TSGA13: variants seen among roughly 807,000 people sequenced by gnomAD.
TSGA13 encodes the protein testis specific 13.
Under a neutral mutation model 35.1 loss-of-function variants are expected in TSGA13, and 37 were observed. The ratio of observed to expected loss-of-function variants is 1.05; its 90% CI spans 0.81 to 1.39. The LOEUF is 1.39. TSGA13 is among the 40% of genes most tolerant of loss of function. The pLI, the probability that TSGA13 is intolerant of heterozygous loss-of-function variation, is 0.00. For missense variants in TSGA13, 338 were observed against 328.5 expected (o/e 1.03, Z -0.22); for synonymous variants, 124 against 121.2 (o/e 1.02, Z -0.15).
chr7:130,674,169 C>CTTTTT lies in TSGA13; in HGVS notation c.388-1298_388-1294dup, dbSNP rs1162370815. On this transcript the variant is annotated intron_variant, in intron 5 of 7. Transcript: ENST00000356588. The stretch of plus-strand genomic sequence containing the variant: ...CTTTTCTTCTTTTTTTTCTTTTTTT[C>CTTTTT]TTTTTTTTTTTTTTTTTTTTGAGAT... Among the ~76,000 whole-genome samples, 43 of 98,436 alleles carry CTTTTT rather than the reference C, an allele frequency of 4.4e-4. 1 individual carries two copies. Among genetic ancestry groups the CTTTTT allele is most frequent in the East Asian group, 7.1e-4 (2 of 2,802 alleles). The allele number at this position is 98,436 out of a possible 152,430, so 64.6% of individuals were successfully genotyped here. A position where few individuals can be genotyped will look rare whatever the true frequency, so the allele number is the denominator to read the frequency against.
chr7:130,681,126 T>C (rs1202237103), intron 3 of TSGA13, 109 bp from the exon 4 acceptor site: 1 of 876,674 alleles, frequency 1.1e-6, no homozygotes, highest in Admixed American at 2.1e-5. Flanking sequence ...TAACTTACAC[T>C]AAGTAAGTTA....
intron 5 of TSGA13, among the ~76,000 whole-genome samples, chr7:130,678,694 A>T (rs1293655296): frequency 1.3e-5 from 2 of 152,116 alleles, no homozygotes; most frequent in African/African-American, 2.4e-5. Context: ...GGTTCTCCAG[A>T]TGCTGTTATG....
In TSGA13 at chr7:130,685,185, T is replaced by G. The variant is rs1391091106; in HGVS notation, c.23+3A>C. On this transcript the variant is annotated splice_donor_region_variant and intron_variant, in intron 2 of 7. Transcript: ENST00000356588. ...ACTTAGTTGGGCAAACAAGACTACA[T>G]ACTTGGTTTGTCTCTTTTGGCTCAT... The G allele has an allele frequency of 6.2e-7, 1 of 1,613,288 alleles. No individual in the cohort carries two copies.
chr7:130,679,363 T>A lies in TSGA13; in HGVS notation c.179A>T (p.Gln60Leu). ...AGTGGCCTTCAAAGGCTTATAGTAC[T>A]GGGCCTGAACAGACAGAAAGGTTTC... is the stretch of plus-strand genomic sequence containing the variant. ...RHYTVHPNLA[Q>L]YYKPLKATAL... Residue 60 changes from glutamine (Q) to leucine (L), a missense_variant, in exon 5 of 8, where the codon CAG becomes CTG. By Grantham distance (113) the Gln-to-Leu change is moderately radical. Coordinates refer to ENST00000356588, the MANE Select transcript of TSGA13 (RefSeq NM_052933.4). The A allele has an allele frequency of 6.2e-7, 1 of 1,609,558 alleles. No individual in the cohort carries two copies. The highest frequency in any genetic ancestry group is 8.5e-7 in the Non-Finnish European group (1 of 1,177,658).
At chr7:130,669,238 G>A in intron 7 of TSGA13, 55 bp from the exon 8 acceptor site, 1 of 1,605,662 alleles carries the variant, frequency 6.2e-7, no homozygotes, top group Non-Finnish European at 8.5e-7. Context: ...GTACTCGAAG[G>A]ATACTTAATG....
At chr7:130,671,943 T>G (rs1796283254) in intron 6 of TSGA13, among the ~76,000 whole-genome samples, 155 bp from the exon 7 acceptor site, 2 of 152,034 alleles carry the variant, frequency 1.3e-5, no homozygotes, top group Admixed American at 1.3e-4. Context: ...CAAGCTGGAG[T>G]GCAGTGGCAT....
chr7:130,671,703 G>C lies in TSGA13; in HGVS notation c.616C>G (p.Leu206Val), dbSNP rs570752898. ...LRTQKKMYPQ[L>V]TFAPVHERDM... ...CTCTCATGGACTGGAGCAAAGGTGA[G>C]CTGAGGGTACATTTTCTTCTGTGTC... The change falls in exon 7 of 8, where the codon CTC (leucine) becomes GTC (valine). Residue 206 changes from leucine to valine, a missense_variant. Physicochemically the swap from Leu to Val is conservative, Grantham distance 32. Transcript: ENST00000356588. The C allele has an allele frequency of 3.7e-6, 6 of 1,609,316 alleles. No individual in the cohort carries two copies. The highest frequency in any genetic ancestry group is 5.1e-6 in the Non-Finnish European group (6 of 1,176,980).
intron 4 of TSGA13, among the ~76,000 whole-genome samples, chr7:130,680,119 C>T (rs982365614): frequency 2.0e-5 from 3 of 152,236 alleles, no homozygotes; most frequent in African/African-American, 7.2e-5. Flanking sequence ...GCAACACCTT[C>T]CCATATTTAC....
chr7:130,680,857 T>C (rs1470676101), intron 4 of TSGA13, 89 bp downstream of exon 4: 2 of 1,197,026 alleles, frequency 1.7e-6, no homozygotes, highest in Non-Finnish European at 2.5e-6. Context: ...TGGGGACACT[T>C]GGAGGCATTA....
rs781887938 is a variant in TSGA13 at position 130,669,023 on chromosome 7, G to A, written c.819C>T (p.Val273=). 20 of 1,614,030 alleles carry A rather than the reference G, an allele frequency of 1.2e-5. No individual in the cohort carries two copies. Among genetic ancestry groups the A allele is most frequent in the Non-Finnish European group, 1.6e-5 (19 of 1,180,050 alleles). The change falls in exon 8 of 8, where the codon GTC becomes GTT. Residue 273 remains valine, a synonymous_variant. Transcript: ENST00000356588. ...ACTGAGGGGTCTGTGTTCACCCGAT[G>A]ACCGTGGCCTTTTTGATAATCCACT... ...APQWIIKKAT[V]IG
chr7:130,680,596 C>T (rs909867655), intron 4 of TSGA13, among the ~76,000 whole-genome samples: 2 of 151,894 alleles, frequency 1.3e-5, no homozygotes, highest in African/African-American at 4.8e-5. Flanking sequence ...CTAAATTTGC[C>T]TTTCTCTCAA....
rs1796634629 is a variant in TSGA13 at position 130,685,187 on chromosome 7, C to T, written c.23+1G>A. 1 of 1,613,200 alleles carries T rather than the reference C, an allele frequency of 6.2e-7. No individual in the cohort carries two copies. Among genetic ancestry groups the T allele is most frequent in the South Asian group, 1.1e-5 (1 of 91,036 alleles). ...TTAGTTGGGCAAACAAGACTACATACTTGGTTTGTCTCTTTTGGCTCATTG... is the reference window on the plus strand; with the variant it reads ...TTAGTTGGGCAAACAAGACTACATATTTGGTTTGTCTCTTTTGGCTCATTG... On this transcript the variant is annotated splice_donor_variant, in intron 2 of 7. Transcript: ENST00000356588. LOFTEE classifies it high-confidence loss of function.
intron 5 of TSGA13, among the ~76,000 whole-genome samples, chr7:130,673,291 C>G (rs1206461794): frequency 6.6e-6 from 1 of 152,116 alleles, no homozygotes; most frequent in African/African-American, 2.4e-5. Flanking sequence ...ATTCCATTCT[C>G]CTTAATGAGA....
chr7:130,671,925 C>T (rs1554463140), intron 6 of TSGA13, 137 bp from the exon 7 acceptor site: 1 of 678,588 alleles, frequency 1.5e-6, no homozygotes, highest in Admixed American at 6.0e-5. Flanking sequence ...AAGTCTTGTT[C>T]TGTCACCCAA....
chr7:130,668,955 G>A lies in TSGA13; in HGVS notation c.*59C>T. On this transcript the variant is annotated 3_prime_UTR_variant, in exon 8 of 8. Transcript: ENST00000356588. ...AGGAATGTGGTTTTATTTGGGTGGCGACTTCTGCGGACCCCTCAGTCTCAA... is the reference window on the plus strand; with the variant it reads ...AGGAATGTGGTTTTATTTGGGTGGCAACTTCTGCGGACCCCTCAGTCTCAA... 3 of 1,567,478 alleles carry A rather than the reference G, an allele frequency of 1.9e-6. No individual in the cohort carries two copies. The highest frequency in any genetic ancestry group is 2.6e-6 in the Non-Finnish European group (3 of 1,157,134).
In TSGA13 at chr7:130,686,503, C is replaced by A. The variant is rs573624529; in HGVS notation, c.-392G>T. 17 of 152,026 alleles carry A rather than the reference C, an allele frequency of 1.1e-4. No homozygotes were observed. The allele number at this position is 152,026 out of a possible 1,614,324, so 9.4% of individuals were successfully genotyped here. ...GAAGGCAAAGTCTTTGGCATGGGAA[C>A]TTTCCATTTTGAAAATATCGTAATT... On this transcript the variant is annotated 5_prime_UTR_variant, in exon 1 of 8. Transcript: ENST00000356588.
At position 130,668,748 on chromosome 7, in the gene TSGA13, G is replaced by C; in HGVS notation, c.*266C>G. The C allele has an allele frequency of 6.8e-7, 1 of 1,460,720 alleles. No individual in the cohort carries two copies. The highest frequency in any genetic ancestry group is 3.0e-5 in the East Asian group (1 of 33,684). The allele number at this position is 1,460,720 out of a possible 1,614,324, so 90.5% of individuals were successfully genotyped here. A position where few individuals can be genotyped will look rare whatever the true frequency, so the allele number is the denominator to read the frequency against. On this transcript the variant is annotated 3_prime_UTR_variant, in exon 8 of 8. Transcript: ENST00000356588. ...CGGCGAGCGGAAGAGGCTGCAGGAA[G>C]GCCGGCCCCGCGCTCTCACGCCGGT... is the stretch of plus-strand genomic sequence containing the variant.
At chr7:130,685,985 CGTT>C (rs1473771786) in intron 1 of TSGA13, among the ~76,000 whole-genome samples, 13 of 152,076 alleles carry the variant, frequency 8.5e-5, no homozygotes, top group Non-Finnish European at 1.8e-4. Context: ...GATTATTTGT[CGTT>C]GTTAAGTAGG....
At chr7:130,672,394 A>C (rs1338745058) in intron 6 of TSGA13, among the ~76,000 whole-genome samples, 2 of 150,958 alleles carry the variant, frequency 1.3e-5, no homozygotes, top group Non-Finnish European at 2.9e-5. Flanking sequence ...TTCACATAAA[A>C]CCTCTTTTGT....
Sources: allele counts gnomAD v4.1 joint callset (sites outside exome capture counted in the v4.1 genomes callset), GRCh38; gene constraint gnomAD v4.1.1; transcripts MANE v1.5; gene names NCBI Gene and HGNC (gene_info 2026-07-23, HGNC 2026-07-21).